The following DLEC1 variants were observed in gnomAD, a reference collection of about 807,000 sequenced individuals.
DLEC1 encodes the protein deleted in lung and esophageal cancer protein 1.
DLEC1 carries 146 observed loss-of-function variants against 198.1 expected under a neutral mutation model. That is an observed-to-expected ratio of 0.74 (90% CI 0.64 to 0.85). DLEC1 has a LOEUF of 0.85. DLEC1 is among the 40% of genes least tolerant of loss of function. The pLI is 0.00. For missense variants in DLEC1, 2,233 were observed against 2,220.0 expected (o/e 1.01, Z -0.12); for synonymous variants, 897 against 866.8 (o/e 1.03, Z -0.61).
At chr3:38,070,828 G>T (rs1360198443) in intron 6 of DLEC1, among the ~76,000 whole-genome samples, 1 of 152,168 alleles carries the variant, frequency 6.6e-6, no homozygotes, top group Non-Finnish European at 1.5e-5. Context: ...GGCGGGGCAG[G>T]GCATTTTCAC....
chr3:38,078,065 G>A (rs553803399), intron 6 of DLEC1, among the ~76,000 whole-genome samples: 1 of 152,210 alleles, frequency 6.6e-6, no homozygotes, highest in Admixed American at 6.5e-5. Flanking sequence ...CAGGAAAGAA[G>A]GAAATATGGG....
chr3:38,078,716 G>T (rs1454743245), intron 6 of DLEC1, among the ~76,000 whole-genome samples: 1 of 152,198 alleles, frequency 6.6e-6, no homozygotes, highest in African/African-American at 2.4e-5. Flanking sequence ...GCAAAGAGAG[G>T]CTGGGATGAA....
rs545171430 is a variant in DLEC1 at position 38,095,161 on chromosome 3, G to C, written c.2112+90G>C. The C allele has an allele frequency of 4.2e-5, 64 of 1,515,714 alleles. No homozygotes were observed. In the Admixed American group the frequency reaches 9.4e-4, roughly 22 times the overall value. 93.9% of individuals were successfully genotyped at this position (1,515,714 alleles called of 1,614,324 possible). ...GTTCCTCAATCACACTGAAGCCACA[G>C]CTGGGCCCACCGAGGTGCTATCCTG... On this transcript the variant is annotated intron_variant, in intron 13 of 36. Coordinates refer to ENST00000308059, the MANE Select transcript of DLEC1 (RefSeq NM_007335.4).
chr3:38,046,255 T>C (rs7430231), intron 2 of DLEC1, among the ~76,000 whole-genome samples: 48,388 of 151,920 alleles, frequency 0.32, 7,977 homozygotes, highest in East Asian at 0.55. Context: ...AGGTTGTGAT[T>C]TTTGTGGCGT....
At chr3:38,114,825 C>T (rs1700065077) in intron 26 of DLEC1, among the ~76,000 whole-genome samples, 158 bp from the exon 27 acceptor site, 1 of 152,148 alleles carries the variant, frequency 6.6e-6, no homozygotes, top group South Asian at 2.1e-4. Flanking sequence ...CCTGGTGCCG[C>T]CTGGGGAAGG....
At chr3:38,045,485 C>CTAAGTAATGG in intron 1 of DLEC1, 58 bp from the exon 2 acceptor site, 1 of 1,572,786 alleles carries the variant, frequency 6.4e-7, no homozygotes, top group Non-Finnish European at 8.6e-7. Flanking sequence ...CTGAGTAAAG[C>CTAAGTAATGG]TAAGTAATGG....
chr3:38,052,379 G>T, intron 2 of DLEC1: 1 of 292,764 alleles, frequency 3.4e-6, no homozygotes, highest in East Asian at 7.9e-5. Flanking sequence ...AGCTTTGAAT[G>T]TTGCTGGAAT....
chr3:38,046,630 G>C (rs898320893), intron 2 of DLEC1, among the ~76,000 whole-genome samples: 1 of 152,056 alleles, frequency 6.6e-6, no homozygotes, highest in African/African-American at 2.4e-5. Context: ...CTAATACAAG[G>C]CATCTTTTGT....
rs542388222 is a variant in DLEC1, at chr3:38,104,286, A to G, written c.2865-3298A>G. 3.3e-5 allele frequency among the ~76,000 whole-genome samples: 5 copies of G among 152,148 alleles called. No individual in the cohort carries two copies. In the East Asian group the frequency reaches 9.7e-4, roughly 29 times the overall value. ...AGGCTAGCCAACATGGTGAAACCCC[A>G]TTTCTACTAAAAATACAAAAATTAG... On this transcript the variant is annotated intron_variant, in intron 19 of 36. Coordinates refer to ENST00000308059, the MANE Select transcript of DLEC1 (RefSeq NM_007335.4).
At chr3:38,121,810 G>A (rs200474849) in intron 35 of DLEC1, 29 bp downstream of exon 35, 586 of 1,611,320 alleles carry the variant, frequency 3.6e-4, no homozygotes, top group Non-Finnish European at 4.8e-4. Context: ...CCTACCCACC[G>A]TTCCCCTACA....
chr3:38,100,027 T>C (rs1267330114), intron 18 of DLEC1, among the ~76,000 whole-genome samples: 15 of 152,228 alleles, frequency 9.9e-5, no homozygotes, highest in Admixed American at 8.5e-4. Context: ...CTCCGCCTTC[T>C]ATCTCTCAGA....
intron 18 of DLEC1, among the ~76,000 whole-genome samples, chr3:38,098,381 A>G (rs769711193): frequency 9.9e-5 from 15 of 152,198 alleles, no homozygotes; most frequent in Non-Finnish European, 2.1e-4. Flanking sequence ...TTCGACTCAA[A>G]TGGCACTTTT....
chr3:38,045,709 T>G lies in DLEC1; in HGVS notation c.562+16T>G. On this transcript the variant is annotated intron_variant, in intron 2 of 36. Transcript: ENST00000308059. ...TTGCCTCCAGGTGTGTATAAAGAAC[T>G]CCCACATGCCTGCCCAATTCCCGGG... The G allele has an allele frequency of 6.3e-7, 1 of 1,597,718 alleles. No homozygotes were observed. The highest frequency in any genetic ancestry group is 8.5e-7 in the Non-Finnish European group (1 of 1,172,944).
intron 6 of DLEC1, among the ~76,000 whole-genome samples, chr3:38,065,344 GGGAGGA>G (rs1696969130): frequency 6.7e-6 from 1 of 148,182 alleles, no homozygotes; most frequent in Non-Finnish European, 1.5e-5. Flanking sequence ...GAGAGGGAGA[GGGAGGA>G]GAGGGAGACT....
Position 38,115,065 on chromosome 3 carries a change from A to G in DLEC1, c.3856+12A>G, listed in dbSNP as rs1407121580. On this transcript the variant is annotated intron_variant, in intron 27 of 36. Coordinates refer to ENST00000308059, the MANE Select transcript of DLEC1 (RefSeq NM_007335.4). ...CTCCAGCCCCTGTGGTAAGACATGC[A>G]TGAGAGAAGTCAGTGTTCTTGCCAC... is the stretch of plus-strand genomic sequence containing the variant. 5.6e-6 allele frequency: 9 copies of G among 1,613,802 alleles called. No homozygotes were observed. The highest frequency in any genetic ancestry group is 1.7e-5 in the Admixed American group (1 of 59,982).
chr3:38,071,693 C>T (rs1697327444), intron 6 of DLEC1, among the ~76,000 whole-genome samples: 1 of 152,200 alleles, frequency 6.6e-6, no homozygotes, highest in Non-Finnish European at 1.5e-5. Context: ...TTTGATGCCT[C>T]TTGCAGTGAA....
intron 6 of DLEC1, 152 bp from the exon 7 acceptor site, chr3:38,084,006 C>T: frequency 1.7e-6 from 1 of 604,614 alleles, no homozygotes; most frequent in Non-Finnish European, 2.9e-6. Flanking sequence ...TCCCCATGTA[C>T]CCCTCAGCCA....
Position 38,118,643 on chromosome 3 carries a change from T to G in DLEC1, c.4704+619T>G, listed in dbSNP as rs541651341. The stretch of plus-strand genomic sequence containing the variant: ...TGTGCGCACACCCATATCTGCACAG[T>G]GGGCTTCCAGGGTGTGCAGAGGCAG... On this transcript the variant is annotated intron_variant, in intron 33 of 36. Transcript: ENST00000308059. Among the ~76,000 whole-genome samples the G allele has an allele frequency of 9.9e-5, 15 of 152,154 alleles. No homozygotes were observed. The East Asian group carries it at 2.9e-3, about 29-fold the overall frequency.
intron 33 of DLEC1, among the ~76,000 whole-genome samples, chr3:38,119,238 T>C (rs1700333781): frequency 6.6e-6 from 1 of 152,194 alleles, no homozygotes. Flanking sequence ...GCCAGAATTA[T>C]CTCCCAGGCT....
Sources: gnomAD v4.1 joint callset for allele counts (sites outside exome capture counted in the v4.1 genomes callset) on GRCh38, gnomAD v4.1.1 for gene constraint, MANE v1.5 for transcripts, NCBI Gene and HGNC (gene_info 2026-07-23, HGNC 2026-07-21) for gene names.